RASA3: variants seen among roughly 807,000 people sequenced by gnomAD.
The protein encoded by RASA3 is RAS p21 protein activator 3.
Under a neutral mutation model 110.0 loss-of-function variants are expected in RASA3, and 73 were observed. The ratio of observed to expected loss-of-function variants is 0.66; its 90% CI spans 0.55 to 0.81. The LOEUF is 0.81. Among genes scored for constraint, RASA3 ranks in the 30% least tolerant of loss-of-function variants. The probability of loss-of-function intolerance (pLI) is 0.00; values close to 1 mark genes in which losing one functional copy is unlikely to be tolerated. For synonymous variants in RASA3, 500 were observed against 451.4 expected, an observed-to-expected ratio of 1.11 and a Z score of -1.37; for missense variants, 976 against 1,113.2, an observed-to-expected ratio of 0.88 and a Z score of 1.75.
At chr13:114,028,527 G>T (rs866688539) in intron 5 of RASA3, among the ~76,000 whole-genome samples, 1 of 150,040 alleles carries the variant, frequency 6.7e-6, no homozygotes, top group Non-Finnish European at 1.5e-5. Context: ...TCATCCTGGG[G>T]GCCCAGAACC....
At chr13:114,034,386 T>C (rs2054240776) in intron 4 of RASA3, among the ~76,000 whole-genome samples, 1 of 152,132 alleles carries the variant, frequency 6.6e-6, no homozygotes, top group Non-Finnish European at 1.5e-5. Flanking sequence ...ATGTGGGGGG[T>C]CCTGGTCCCC....
At chr13:114,046,023 A>G (rs903521703) in intron 3 of RASA3, among the ~76,000 whole-genome samples, 1 of 152,240 alleles carries the variant, frequency 6.6e-6, no homozygotes, top group African/African-American at 2.4e-5. Flanking sequence ...CTATAGATCA[A>G]TGTAATCCCA....
At chr13:114,113,027 G>A (rs1014774890) in intron 1 of RASA3, among the ~76,000 whole-genome samples, 3 of 152,180 alleles carry the variant, frequency 2.0e-5, no homozygotes, top group Non-Finnish European at 4.4e-5. Flanking sequence ...AGCCCGTGGA[G>A]GCCCTGCCAT....
At chr13:114,017,421 C>G in intron 11 of RASA3, 70 bp from the exon 12 acceptor site, 1 of 1,195,536 alleles carries the variant, frequency 8.4e-7, no homozygotes, top group Non-Finnish European at 1.2e-6. Flanking sequence ...CAGAGCCTGG[C>G]CCCGAGCACC....
At chr13:114,028,453 C>CATCATCT (rs2054076950) in intron 5 of RASA3, among the ~76,000 whole-genome samples, 4 of 149,346 alleles carry the variant, frequency 2.7e-5, no homozygotes, top group African/African-American at 9.9e-5. Context: ...CCTAAAACAG[C>CATCATCT]GTCATCTGGG....
In RASA3 at chr13:114,024,316, C is replaced by A; in HGVS notation, c.643G>T (p.Asp215Tyr). Residue 215 changes from aspartate (D) to tyrosine (Y), a missense_variant, in exon 8 of 24, where the codon GAC (aspartate) becomes TAC (tyrosine). By Grantham distance (160) the Asp-to-Tyr change is radical. This residue lies in a region of RASA3 where 732 missense variants were observed against 779.7 expected (regional missense o/e 0.94). Transcript: ENST00000334062. ...TTGTCCACGTCTTCCTCCTCAAAGT[C>A]AAAGTGGGACTTCTTGCTGTAGCTA... ...PCSYSKKSHF[D>Y]FEEEDVDKLE... The A allele has an allele frequency of 1.2e-6, 2 of 1,613,994 alleles. No individual in the cohort carries two copies. The highest frequency in any genetic ancestry group is 1.1e-5 in the South Asian group (1 of 91,062).
At chr13:114,051,400 C>T (rs2079144477) in intron 3 of RASA3, among the ~76,000 whole-genome samples, 1 of 152,258 alleles carries the variant, frequency 6.6e-6, no homozygotes, top group South Asian at 2.1e-4. Flanking sequence ...GAGGTCTGCT[C>T]CTGACGGGGT....
chr13:114,075,618 CCGCACCGCGTATCTCTGCGTGTGGA>C (rs2079660561), intron 1 of RASA3, among the ~76,000 whole-genome samples: 1 of 52,172 alleles, frequency 1.9e-5, no homozygotes, highest in Non-Finnish European at 3.0e-5. Context: ...CCTCCCGTGT[CCGCACCGCGTATCTCTGCGTGTGGA>C]GGCGCCGGCA....
chr13:114,017,762 T>C (rs2053825440), intron 11 of RASA3, among the ~76,000 whole-genome samples: 1 of 152,066 alleles, frequency 6.6e-6, no homozygotes. Flanking sequence ...GAACAGGGCG[T>C]CCGGAAACAG....
At chr13:114,029,781 C>G in intron 5 of RASA3, 30 bp downstream of exon 5, 2 of 1,568,038 alleles carry the variant, frequency 1.3e-6, no homozygotes, top group Non-Finnish European at 1.7e-6. Flanking sequence ...ACTCGCTGTG[C>G]GCTCGGTCTC....
intron 3 of RASA3, among the ~76,000 whole-genome samples, chr13:114,043,837 G>GCC (rs544129523): frequency 4.4e-5 from 1 of 22,830 alleles, no homozygotes; most frequent in African/African-American, 3.4e-4. Context: ...CACTCGCTGA[G>GCC]CCCCCCGCCC....
intron 1 of RASA3, among the ~76,000 whole-genome samples, chr13:114,121,825 C>T (rs2080381624): frequency 6.6e-6 from 1 of 152,010 alleles, no homozygotes; most frequent in Non-Finnish European, 1.5e-5. Flanking sequence ...TGTGAGCATA[C>T]ACAGGCCCCC....
intron 1 of RASA3, among the ~76,000 whole-genome samples, chr13:114,097,959 G>A (rs1182983406): frequency 1.3e-5 from 2 of 152,300 alleles, no homozygotes; most frequent in South Asian, 4.1e-4. Context: ...GACCACCAGC[G>A]AGAGAGTGGA....
At chr13:114,013,021 C>T (rs554249654) in intron 15 of RASA3, 121 bp downstream of exon 15, 62 of 743,104 alleles carry the variant, frequency 8.3e-5, no homozygotes, top group Non-Finnish European at 1.2e-4. Flanking sequence ...TGATTCCTCA[C>T]ACACTCCCCA....
At chr13:114,032,711 GGCACCCCTAC>G (rs2054192684) in intron 4 of RASA3, among the ~76,000 whole-genome samples, 1 of 83,510 alleles carries the variant, frequency 1.2e-5, no homozygotes, top group Non-Finnish European at 2.2e-5. Flanking sequence ...CACGTCCCAC[GGCACCCCTAC>G]ACTTGACACC....
intron 22 of RASA3, among the ~76,000 whole-genome samples, chr13:113,989,189 C>G (rs566455162): frequency 6.7e-6 from 1 of 148,800 alleles, no homozygotes; most frequent in African/African-American, 2.5e-5. Context: ...CTGTCCTCCA[C>G]CCATCACTCA....
At chr13:114,018,364 T>TAGCA in intron 10 of RASA3, 112 bp from the exon 11 acceptor site, 1 of 1,337,556 alleles carries the variant, frequency 7.5e-7, no homozygotes, top group Non-Finnish European at 1.0e-6. Flanking sequence ...GGCTCTTTGC[T>TAGCA]GAGACAGAAA....
chr13:114,087,306 G>A (rs1281724266), intron 1 of RASA3, among the ~76,000 whole-genome samples: 3 of 151,892 alleles, frequency 2.0e-5, no homozygotes, highest in South Asian at 2.1e-4. Flanking sequence ...TTGGAGTATC[G>A]ATTCCCTTCG....
intron 3 of RASA3, among the ~76,000 whole-genome samples, chr13:114,043,881 A>C (rs1594377263): frequency 1.7e-4 from 1 of 5,884 alleles, no homozygotes. Context: ...GCCCCGCCTC[A>C]CTCGCTGAGC....
Sources: gnomAD v4.1 joint callset for allele counts (sites outside exome capture counted in the v4.1 genomes callset) on GRCh38, gnomAD v4.1.1 for gene constraint, gnomAD v4.1.1 regional missense constraint, MANE v1.5 for transcripts, NCBI Gene and HGNC (gene_info 2026-07-23, HGNC 2026-07-21) for gene names.